The following BNC1 variants were observed in gnomAD, a reference collection of about 807,000 sequenced individuals.
The protein encoded by BNC1 is zinc finger protein basonuclin-1.
A neutral mutation model predicts 66.5 loss-of-function variants in BNC1; 8 were observed. That is an observed-to-expected ratio of 0.12 (90% CI 0.07 to 0.22). The LOEUF (loss-of-function observed/expected upper bound fraction) is 0.22, where lower values mean the gene tolerates loss of function less well. BNC1 is among the 10% of genes least tolerant of loss of function. The pLI is 1.00. For synonymous variants in BNC1, 454 were observed against 452.6 expected, an observed-to-expected ratio of 1.00 and a Z score of -0.04; for missense variants, 1,069 against 1,241.3, an observed-to-expected ratio of 0.86 and a Z score of 2.09.
chr15:83,265,279 A>G (rs1314355086), intron 3 of BNC1, among the ~76,000 whole-genome samples: 1 of 152,252 alleles, frequency 6.6e-6, no homozygotes, highest in Non-Finnish European at 1.5e-5. Context: ...CTTCCTAAGC[A>G]ACTAACATCA....
At chr15:83,258,265 G>T in intron 4 of BNC1, 139 bp from the exon 5 acceptor site, 4 of 838,486 alleles carry the variant, frequency 4.8e-6, no homozygotes, top group Non-Finnish European at 7.2e-6. Flanking sequence ...GCCCCCATGG[G>T]ATGTAACACC....
At position 83,267,028 on chromosome 15, in the gene BNC1, C is replaced by G. The variant is rs779602038; in HGVS notation, c.243G>C (p.Gln81His). Residue 81 changes from glutamine to histidine, a missense_variant, in exon 3 of 5, where the codon CAG (glutamine) becomes CAC (histidine). Coordinates refer to ENST00000345382, the MANE Select transcript of BNC1 (RefSeq NM_001717.4). ...CTACATTGGACTGGACAATCTCCAC[C>G]TGGCTTGTTGGATACATGGGGGGGA... is the stretch of plus-strand genomic sequence containing the variant. The part of the protein sequence containing the change: ...LRIPPMYPTS[Q>H]VEIVQSNVVF... 1.2e-6 allele frequency: 2 copies of G among 1,613,992 alleles called. No individual in the cohort carries two copies. The highest frequency in any genetic ancestry group is 2.2e-5 in the East Asian group (1 of 44,888).
chr15:83,263,498 G>T lies in BNC1; in HGVS notation c.1753C>A (p.His585Asn). The change falls in exon 4 of 5, where the codon CAC becomes AAC. Residue 585 changes from histidine to asparagine, a missense_variant. Physicochemically the swap from His to Asn is moderately conservative, Grantham distance 68 (BLOSUM62 1). Coordinates refer to ENST00000345382, the MANE Select transcript of BNC1 (RefSeq NM_001717.4). ...DEQEACSPQS[H>N]RVSEEQHVQS... ...ACATGCTGCTCCTCAGATACTCTGT[G>T]TGACTGAGGACTGCAGGCCTCCTGC... 1 of 1,614,252 alleles carries T rather than the reference G, an allele frequency of 6.2e-7. No homozygotes were observed. Among genetic ancestry groups the T allele is most frequent in the Non-Finnish European group, 8.5e-7 (1 of 1,180,040 alleles).
At chr15:83,271,630 A>G (rs2038270547) in intron 1 of BNC1, among the ~76,000 whole-genome samples, 1 of 152,226 alleles carries the variant, frequency 6.6e-6, no homozygotes, top group Non-Finnish European at 1.5e-5. Flanking sequence ...CTCTATGTAT[A>G]AACACAGATG....
At chr15:83,271,392 T>C (rs1383635913) in intron 1 of BNC1, among the ~76,000 whole-genome samples, 1 of 152,240 alleles carries the variant, frequency 6.6e-6, no homozygotes, top group Non-Finnish European at 1.5e-5. Flanking sequence ...GGAATAGGGC[T>C]GTTTAAAACT....
Position 83,257,285 on chromosome 15 carries a change from T to C in BNC1, c.*157A>G. On this transcript the variant is annotated 3_prime_UTR_variant, in exon 5 of 5. Transcript: ENST00000345382. ...CCCAGTGTCATCTTCCCACGAGGTT[T>C]GTCTTTTGCTCATTGTGCTGTGGAA... The C allele has an allele frequency of 1.2e-6, 1 of 836,198 alleles. No individual in the cohort carries two copies. The allele number at this position is 836,198 out of a possible 1,614,324, so 51.8% of individuals were successfully genotyped here.
intron 1 of BNC1, among the ~76,000 whole-genome samples, chr15:83,268,952 G>A (rs1356895837): frequency 1.3e-5 from 2 of 152,218 alleles, no homozygotes; most frequent in Admixed American, 6.5e-5. Context: ...TTGTCTGAGC[G>A]TGGTGGCTCA....
Position 83,257,797 on chromosome 15 carries a change from T to A in BNC1, c.2630A>T (p.Asp877Val). The A allele has an allele frequency of 6.2e-7, 1 of 1,614,122 alleles. No homozygotes were observed. Among genetic ancestry groups the A allele is most frequent in the Non-Finnish European group, 8.5e-7 (1 of 1,180,012 alleles). ...CACAGTGCCTTCCTCACTCACCCCGTCAGAGTCCCAGGAAGAATGGCTGCT... is the reference window on the plus strand; with the variant it reads ...CACAGTGCCTTCCTCACTCACCCCGACAGAGTCCCAGGAAGAATGGCTGCT... ...ESSSHSSWDS[D>V]GVSEEGTVLM... Residue 877 changes from aspartate to valine, a missense_variant, in exon 5 of 5, where the codon GAC (aspartate) becomes GTC (valine). By Grantham distance (152) the Asp-to-Val change is radical (BLOSUM62 -3). Transcript: ENST00000345382.
At position 83,263,201 on chromosome 15, in the gene BNC1, A is replaced by G. The variant is rs1271433063; in HGVS notation, c.2050T>C (p.Phe684Leu). The G allele has an allele frequency of 6.2e-7, 1 of 1,614,102 alleles. No individual in the cohort carries two copies. Among genetic ancestry groups the G allele is most frequent in the Non-Finnish European group, 8.5e-7 (1 of 1,180,054 alleles). The change falls in exon 4 of 5, where the codon TTC (phenylalanine) becomes CTC (leucine). Residue 684 changes from phenylalanine to leucine, a missense_variant. Phe to Leu is a conservative substitution (Grantham distance 22). Around this residue, in one of 7 missense-constraint regions of BNC1, gnomAD observed 657 missense variants for 715.8 expected, o/e 0.92. Transcript: ENST00000345382. ...ATTCCCCTGTTGGACAAAGCACTGA[A>G]GAGTCCCCCAGCCAGCAGGCGCTGC... ...LQQRLLAGGLFSALSNRGMAF... is the reference protein window; with the variant it reads ...LQQRLLAGGLLSALSNRGMAF...
rs2038184411 is a variant in BNC1, at chr15:83,264,039, G to A, written c.1212C>T (p.Arg404=). 6.2e-7 allele frequency: 1 copy of A among 1,614,094 alleles called. No individual in the cohort carries two copies. The highest frequency in any genetic ancestry group is 1.1e-5 in the South Asian group (1 of 91,088). The change falls in exon 4 of 5, where the codon CGC becomes CGT. Residue 404 remains arginine, a synonymous_variant. Transcript: ENST00000345382. ...MVFSSLRSRN[R]HSANPNPRLH... is the part of the protein sequence containing the mutation. The stretch of plus-strand genomic sequence containing the variant: ...GCCGAGGGTTGGGGTTGGCGCTATG[G>A]CGATTCCGGCTCCTTAGGGAGCTGA...
intron 4 of BNC1, among the ~76,000 whole-genome samples, chr15:83,261,815 T>C (rs2038144464): frequency 6.6e-6 from 1 of 152,252 alleles, no homozygotes; most frequent in African/African-American, 2.4e-5. Flanking sequence ...TTTATTCTTT[T>C]ATAACTTAAT....
chr15:83,263,650 T>C lies in BNC1; in HGVS notation c.1601A>G (p.Lys534Arg). ...SNEMPFDALP[K>R]KKSRKSSMPI... is the part of the protein sequence containing the mutation. ...CATACTGGACTTCCTGGATTTCTTC[T>C]TGGGAAGGGCATCAAATGGCATTTC... Residue 534 changes from lysine (K) to arginine (R), a missense_variant, in exon 4 of 5, where the codon AAG (lysine) becomes AGG (arginine). Around this residue, in one of 7 missense-constraint regions of BNC1, gnomAD observed 657 missense variants for 715.8 expected, o/e 0.92. Coordinates refer to ENST00000345382, the MANE Select transcript of BNC1 (RefSeq NM_001717.4). 7.4e-6 allele frequency: 12 copies of C among 1,614,238 alleles called. No individual in the cohort carries two copies. The highest frequency in any genetic ancestry group is 1.0e-5 in the Non-Finnish European group (12 of 1,180,036).
intron 4 of BNC1, among the ~76,000 whole-genome samples, chr15:83,262,050 T>C (rs906807077): frequency 6.8e-6 from 1 of 147,582 alleles, no homozygotes; most frequent in East Asian, 1.9e-4. Context: ...TTCATGTTTT[T>C]TTTTTTTTTT....
chr15:83,268,034 G>C, intron 2 of BNC1, 99 bp downstream of exon 2: 1 of 993,072 alleles, frequency 1.0e-6, no homozygotes, highest in East Asian at 2.4e-5. Context: ...TAGTTTACTA[G>C]TTAGTTGTCA....
In BNC1 at chr15:83,264,657, G is replaced by C. The variant is rs763358138; in HGVS notation, c.594C>G (p.Ser198=). The C allele has an allele frequency of 6.2e-7, 1 of 1,614,122 alleles. No homozygotes were observed. The highest frequency in any genetic ancestry group is 2.2e-5 in the East Asian group (1 of 44,882). Residue 198 remains serine, a synonymous_variant, in exon 4 of 5, where the codon TCC becomes TCG. Transcript: ENST00000345382. The part of the protein sequence containing the change: ...KEEQSIIIPP[S]TANVDIRAFI... The stretch of plus-strand genomic sequence containing the variant: ...AAGCCCTGATATCTACATTTGCTGT[G>C]GAAGGTGGTATGATGATGGATTGCT...
chr15:83,264,229 G>C lies in BNC1; in HGVS notation c.1022C>G (p.Ala341Gly). 3.7e-6 allele frequency: 6 copies of C among 1,614,200 alleles called. No homozygotes were observed. Among genetic ancestry groups the C allele is most frequent in the Non-Finnish European group, 5.1e-6 (6 of 1,180,038 alleles). Residue 341 changes from alanine to glycine, a missense_variant, in exon 4 of 5, where the codon GCC becomes GGC. This residue lies in a region of BNC1 where 82 missense variants were observed against 136.3 expected (regional missense o/e 0.60). Transcript: ENST00000345382. The stretch of plus-strand genomic sequence containing the variant: ...GCTATTCCTCTCAGGCTTCACTTTG[G>C]CCTCAGGGGATAACTGTGTCCTTTC... ...KFERTQLSPE[A>G]KVKPERNSLG...
chr15:83,280,931 A>T (rs532220531), intron 1 of BNC1, among the ~76,000 whole-genome samples: 1 of 152,122 alleles, frequency 6.6e-6, no homozygotes, highest in Non-Finnish European at 1.5e-5. Context: ...CTTTTGTTTC[A>T]CATTAGTTGA....
At chr15:83,268,962 AC>A (rs1441628727) in intron 1 of BNC1, among the ~76,000 whole-genome samples, 2 of 152,258 alleles carry the variant, frequency 1.3e-5, no homozygotes, top group Admixed American at 6.5e-5. Flanking sequence ...GTGGTGGCTC[AC>A]GCCTGTAATC....
chr15:83,283,408 C>G, intron 1 of BNC1: 2 of 1,248,928 alleles, frequency 1.6e-6, no homozygotes, highest in Non-Finnish European at 2.0e-6. Flanking sequence ...CTTCTCCGCC[C>G]GCGGCCCCCA....
Sources: gnomAD v4.1 joint callset for allele counts (sites outside exome capture counted in the v4.1 genomes callset) on GRCh38, gnomAD v4.1.1 for gene constraint, gnomAD v4.1.1 regional missense constraint, MANE v1.5 for transcripts, NCBI Gene and HGNC (gene_info 2026-07-23, HGNC 2026-07-21) for gene names.